Variants in CRPPA observed in about 807,000 individuals in gnomAD.
The protein encoded by CRPPA is CDP-L-ribitol pyrophosphorylase A, also known as D-ribitol-5-phosphate cytidylyltransferase.
A neutral mutation model predicts 52.0 loss-of-function variants in CRPPA; 43 were observed. The ratio of observed to expected loss-of-function variants is 0.83; its 90% CI spans 0.65 to 1.07. The LOEUF (loss-of-function observed/expected upper bound fraction) is 1.07, where lower values mean the gene tolerates loss of function less well. Among genes scored for constraint, CRPPA ranks in the 50% least tolerant of loss-of-function variants. The pLI, the probability that CRPPA is intolerant of heterozygous loss-of-function variation, is 0.00. For missense variants in CRPPA, 629 were observed against 551.7 expected, an observed-to-expected ratio of 1.14 and a Z score of -1.40; for synonymous variants, 250 against 203.5, an observed-to-expected ratio of 1.23 and a Z score of -1.94.
chr7:16,139,697 G>A (rs1782830425), intron 9 of CRPPA, among the ~76,000 whole-genome samples: 2 of 151,772 alleles, frequency 1.3e-5, no homozygotes, highest in Admixed American at 6.6e-5. Flanking sequence ...CCTTTTGCCT[G>A]GTATATAGTA....
chr7:16,286,038 A>AAAAAAAAAAAAAAATAT (rs1784426837), intron 5 of CRPPA, among the ~76,000 whole-genome samples: 1 of 17,504 alleles, frequency 5.7e-5, no homozygotes. Context: ...AAAAAAAAAA[A>AAAAAAAAAAAAAAATAT]ATATAAATAT....
rs149400901 is a variant in CRPPA, at chr7:16,247,105, G to C, written c.1119+11285C>G. On this transcript the variant is annotated intron_variant, in intron 8 of 9. Coordinates refer to ENST00000407010, the MANE Select transcript of CRPPA (RefSeq NM_001101426.4). ...TAGATCTTCTGGATAACTTAGCGCA[G>C]CCTCAACATCAGCACTTGCTGCTTG... Among the ~76,000 whole-genome samples the C allele has an allele frequency of 2.5e-3, 379 of 152,334 alleles. 1 individual carries two copies. Among genetic ancestry groups the C allele is most frequent in the African/African-American group, 8.7e-3 (363 of 41,572 alleles).
chr7:16,318,297 T>A (rs1265121440), intron 3 of CRPPA, among the ~76,000 whole-genome samples: 2 of 152,158 alleles, frequency 1.3e-5, no homozygotes, highest in Non-Finnish European at 2.9e-5. Context: ...CAAAATCACG[T>A]AATCTGTTTT....
chr7:16,106,901 A>C (rs1422216357), intron 9 of CRPPA, among the ~76,000 whole-genome samples: 1 of 152,180 alleles, frequency 6.6e-6, no homozygotes, highest in Non-Finnish European at 1.5e-5. Flanking sequence ...TGGAATTTGG[A>C]AAACAAAGAC....
intron 5 of CRPPA, among the ~76,000 whole-genome samples, chr7:16,298,655 T>C (rs532085839): frequency 1.3e-5 from 2 of 152,244 alleles, no homozygotes; most frequent in Non-Finnish European, 2.9e-5. Context: ...TGGTTAATTT[T>C]ATGTGTCAAT....
chr7:16,335,783 T>C (rs1785665539), intron 3 of CRPPA, among the ~76,000 whole-genome samples: 4 of 152,120 alleles, frequency 2.6e-5, no homozygotes, highest in Non-Finnish European at 5.9e-5. Flanking sequence ...GCTCAGAGAT[T>C]ACCAGTCAAA....
At chr7:16,397,108 C>A (rs1027993442) in intron 2 of CRPPA, among the ~76,000 whole-genome samples, 1 of 152,194 alleles carries the variant, frequency 6.6e-6, no homozygotes, top group Admixed American at 6.5e-5. Flanking sequence ...TGAAATAAGA[C>A]ACGTGGACAC....
chr7:16,273,638 G>T (rs1418746039), intron 6 of CRPPA, among the ~76,000 whole-genome samples: 1 of 152,096 alleles, frequency 6.6e-6, no homozygotes, highest in Non-Finnish European at 1.5e-5. Context: ...GATGCAGCCT[G>T]ATTCCTCCCG....
At chr7:16,185,497 C>G (rs1383105454) in intron 9 of CRPPA, among the ~76,000 whole-genome samples, 4 of 152,128 alleles carry the variant, frequency 2.6e-5, no homozygotes, top group African/African-American at 4.8e-5. Context: ...CAAGGCATAA[C>G]AACGGTGGTG....
At chr7:16,096,408 T>C (rs573391652) in intron 9 of CRPPA, among the ~76,000 whole-genome samples, 2 of 152,070 alleles carry the variant, frequency 1.3e-5, no homozygotes, top group South Asian at 4.2e-4. Flanking sequence ...GAACTAGAGA[T>C]AAAAATGTTG....
chr7:16,114,437 A>C (rs990238924), intron 9 of CRPPA, among the ~76,000 whole-genome samples: 2 of 152,084 alleles, frequency 1.3e-5, no homozygotes, highest in African/African-American at 2.4e-5. Flanking sequence ...GTTCTGCCAT[A>C]AATGTTTGTG....
Position 16,397,585 on chromosome 7 carries a change from G to A in CRPPA, c.534+8476C>T, listed in dbSNP as rs571393996. On this transcript the variant is annotated intron_variant, in intron 2 of 9. Transcript: ENST00000407010. The stretch of plus-strand genomic sequence containing the variant: ...GACCAATTTGACTGACATATGAGAC[G>A]TGACAGATTACTGACGTGTGACACG... Among the ~76,000 whole-genome samples the A allele has an allele frequency of 3.3e-3, 459 of 139,302 alleles. 5 individuals are homozygous for A. Among genetic ancestry groups the A allele is most frequent in the South Asian group, 0.019 (87 of 4,626 alleles). The allele number at this position is 139,302 out of a possible 152,430, so 91.4% of individuals were successfully genotyped here.
intron 3 of CRPPA, among the ~76,000 whole-genome samples, chr7:16,331,298 C>T (rs1487700686): frequency 2.6e-5 from 4 of 152,166 alleles, no homozygotes; most frequent in African/African-American, 9.7e-5. Flanking sequence ...TGCACCTGGC[C>T]AGAAACGTGT....
At chr7:16,128,016 C>T (rs1300364322) in intron 9 of CRPPA, among the ~76,000 whole-genome samples, 1 of 152,116 alleles carries the variant, frequency 6.6e-6, no homozygotes, top group African/African-American at 2.4e-5. Context: ...TTAGTGTTCT[C>T]AAGTATTATG....
At chr7:16,216,556 G>C (rs530300703) in intron 8 of CRPPA, 1 of 217,546 alleles carries the variant, frequency 4.6e-6, no homozygotes, top group Non-Finnish European at 9.2e-6. Context: ...GGGAGCGCCA[G>C]ACAGTGGGCG....
At chr7:16,176,455 A>C (rs915885673) in intron 9 of CRPPA, among the ~76,000 whole-genome samples, 3 of 152,172 alleles carry the variant, frequency 2.0e-5, no homozygotes, top group Non-Finnish European at 4.4e-5. Context: ...GGGAAATACA[A>C]ATTGAAACCA....
intron 6 of CRPPA, among the ~76,000 whole-genome samples, chr7:16,267,707 T>G (rs576040883): frequency 6.6e-6 from 1 of 152,324 alleles, no homozygotes; most frequent in Non-Finnish European, 1.5e-5. Context: ...TAATTTAATT[T>G]AAATGCATAA....
intron 9 of CRPPA, among the ~76,000 whole-genome samples, chr7:16,157,641 T>C (rs1036868835): frequency 6.6e-6 from 1 of 152,102 alleles, no homozygotes; most frequent in Non-Finnish European, 1.5e-5. Flanking sequence ...GACTTTTCCA[T>C]AGTGACATAC....
In CRPPA at chr7:16,117,325, C is replaced by T. The variant is rs73291853; in HGVS notation, c.1252-25526G>A. Among the ~76,000 whole-genome samples, 455 of 152,254 alleles carry T rather than the reference C, an allele frequency of 3.0e-3. 2 individuals are homozygous for T. Among genetic ancestry groups the T allele is most frequent in the African/African-American group, 0.011 (440 of 41,540 alleles). ...ATCAGGGGTGAGTTCTCTTTGGAAGCGACTCTGAACTGAGCACGTAGTCAT... is the reference window on the plus strand; with the variant it reads ...ATCAGGGGTGAGTTCTCTTTGGAAGTGACTCTGAACTGAGCACGTAGTCAT... On this transcript the variant is annotated intron_variant, in intron 9 of 9. Coordinates refer to ENST00000407010, the MANE Select transcript of CRPPA (RefSeq NM_001101426.4).
Sources: gnomAD v4.1 joint callset for allele counts (sites outside exome capture counted in the v4.1 genomes callset) on GRCh38, gnomAD v4.1.1 for gene constraint, MANE v1.5 for transcripts, NCBI Gene and HGNC (gene_info 2026-07-23, HGNC 2026-07-21) for gene names.